The following KALRN variants were observed in gnomAD, a reference collection of about 807,000 sequenced individuals.
KALRN encodes kalirin RhoGEF kinase.
A neutral mutation model predicts 353.7 loss-of-function variants in KALRN; 70 were observed. The ratio of observed to expected loss-of-function variants is 0.20; its 90% CI spans 0.16 to 0.24. KALRN has a LOEUF of 0.24. Among genes scored for constraint, KALRN ranks in the 10% least tolerant of loss-of-function variants. The probability of loss-of-function intolerance (pLI) is 1.00; values close to 1 mark genes in which losing one functional copy is unlikely to be tolerated. For missense variants in KALRN, 2,791 were observed against 3,756.7 expected (o/e 0.74, Z 6.72); for synonymous variants, 1,391 against 1,434.8 (o/e 0.97, Z 0.69).
chr3:124,329,460 A>C (rs2080275120), intron 7 of KALRN, among the ~76,000 whole-genome samples: 1 of 152,154 alleles, frequency 6.6e-6, no homozygotes, highest in South Asian at 2.1e-4. Context: ...GATGTGGAAC[A>C]TCTCCTTACA....
chr3:124,538,834 C>G (rs1020929407), intron 33 of KALRN, among the ~76,000 whole-genome samples: 1 of 152,172 alleles, frequency 6.6e-6, no homozygotes, highest in Non-Finnish European at 1.5e-5. Context: ...TAAGTTAGAA[C>G]TTAAGAATGC....
intron 6 of KALRN, among the ~76,000 whole-genome samples, chr3:124,306,365 A>C (rs768121568): frequency 1.3e-5 from 2 of 152,188 alleles, no homozygotes; most frequent in Admixed American, 1.3e-4. Flanking sequence ...GAGAGGCTCA[A>C]TGTAGATTTG....
intron 1 of KALRN, among the ~76,000 whole-genome samples, chr3:124,202,011 C>T (rs961952071): frequency 6.6e-6 from 1 of 152,186 alleles, no homozygotes; most frequent in Non-Finnish European, 1.5e-5. Context: ...GTGGGAAGCA[C>T]TTCTTGTCAC....
intron 37 of KALRN, among the ~76,000 whole-genome samples, chr3:124,637,645 G>A (rs549097681): frequency 1.1e-4 from 16 of 152,190 alleles, no homozygotes; most frequent in South Asian, 2.1e-4. Context: ...CTAGTACACC[G>A]CGATGCTGAG....
In KALRN at chr3:124,513,301, G is replaced by C. The variant is rs148979641; in HGVS notation, c.4935+16888G>C. On this transcript the variant is annotated intron_variant, in intron 33 of 59. Coordinates refer to ENST00000682506, the MANE Select transcript of KALRN (RefSeq NM_001388419.1). The stretch of plus-strand genomic sequence containing the variant: ...TTGAAATATAGCTTCAAATTCATGA[G>C]ACATTTTCATGAAGAGATATGCAGT... Among the ~76,000 whole-genome samples, 484 of 152,322 alleles carry C rather than the reference G, an allele frequency of 3.2e-3. 1 individual carries two copies. The highest frequency in any genetic ancestry group is 5.3e-3 in the Non-Finnish European group (358 of 68,024).
At chr3:124,375,350 G>A (rs1399045457) in intron 10 of KALRN, among the ~76,000 whole-genome samples, 3 of 152,268 alleles carry the variant, frequency 2.0e-5, no homozygotes, top group South Asian at 2.1e-4. Context: ...TTTGTCTCAG[G>A]AAGCAGCTCT....
intron 1 of KALRN, among the ~76,000 whole-genome samples, chr3:124,105,850 G>C (rs111500772): frequency 6.6e-6 from 1 of 152,202 alleles, no homozygotes; most frequent in African/African-American, 2.4e-5. Flanking sequence ...AAGGAGGAAG[G>C]CCTGAATGTG....
chr3:124,482,153 G>A (rs2108235028), intron 27 of KALRN, among the ~76,000 whole-genome samples: 1 of 152,334 alleles, frequency 6.6e-6, no homozygotes, highest in East Asian at 1.9e-4. Context: ...GGAAAGATTT[G>A]TCACCAGGGA....
chr3:124,442,386 G>A (rs2093696583), intron 19 of KALRN, among the ~76,000 whole-genome samples: 1 of 152,180 alleles, frequency 6.6e-6, no homozygotes, highest in South Asian at 2.1e-4. Context: ...CTGAGCTAGT[G>A]CAACTAAGGA....
chr3:124,055,463 T>C (rs2041442848), intron 1 of KALRN, among the ~76,000 whole-genome samples: 1 of 152,226 alleles, frequency 6.6e-6, no homozygotes, highest in Non-Finnish European at 1.5e-5. Flanking sequence ...CTCTATTCTA[T>C]CTAGTTTGTT....
In KALRN at chr3:124,552,419, G is replaced by A. The variant is rs144083102; in HGVS notation, c.4936-10424G>A. The stretch of plus-strand genomic sequence containing the variant: ...TCCTGGTCAACCAGAGGAGAGCTTG[G>A]CCTCTTTCCAGGAATTAGTTTGCCA... On this transcript the variant is annotated intron_variant, in intron 33 of 59. Transcript: ENST00000682506. Among the ~76,000 whole-genome samples the A allele has an allele frequency of 3.2e-3, 487 of 152,296 alleles. 2 individuals are homozygous for A. Among genetic ancestry groups the A allele is most frequent in the African/African-American group, 0.011 (467 of 41,552 alleles).
chr3:124,122,670 T>C (rs1371626343), intron 1 of KALRN, among the ~76,000 whole-genome samples: 3 of 152,194 alleles, frequency 2.0e-5, no homozygotes, highest in East Asian at 1.9e-4. Flanking sequence ...ACCATGCCCA[T>C]ATAAAACTGC....
intron 1 of KALRN, among the ~76,000 whole-genome samples, chr3:124,093,166 T>G (rs114293768): frequency 5.7e-4 from 87 of 152,298 alleles, no homozygotes; most frequent in Middle Eastern, 3.4e-3. Flanking sequence ...TCCTACCCCC[T>G]GGACGTGCCT....
intron 27 of KALRN, among the ~76,000 whole-genome samples, chr3:124,480,618 A>G (rs1156784296): frequency 6.6e-6 from 1 of 152,164 alleles, no homozygotes; most frequent in Non-Finnish European, 1.5e-5. Context: ...GCTGACAGGT[A>G]TGTGCAACCA....
At chr3:124,337,714 A>T (rs1456154288) in intron 9 of KALRN, among the ~76,000 whole-genome samples, 1 of 152,200 alleles carries the variant, frequency 6.6e-6, no homozygotes, top group Admixed American at 6.5e-5. Flanking sequence ...TTTCAGAAGG[A>T]ATGATACCAG....
chr3:124,048,453 C>T (rs61016788), intron 1 of KALRN, among the ~76,000 whole-genome samples: 116 of 151,474 alleles, frequency 7.7e-4, no homozygotes, highest in African/African-American at 2.8e-3. Flanking sequence ...TAATCATGGA[C>T]ATTTTTCTAT....
In KALRN at chr3:124,411,433, CTTTTT is replaced by C. The variant is rs61485429; in HGVS notation, c.2347-2013_2347-2009del. On this transcript the variant is annotated intron_variant, in intron 13 of 59. Transcript: ENST00000682506. ...AAGCCTATGTATACTTTAAATTATG[CTTTTT>C]TTTTTTTTTTTTTTTTTTTTTTTAA... 4.1e-3 allele frequency among the ~76,000 whole-genome samples: 209 copies of C among 51,496 alleles called. 3 individuals carry two copies. In the Middle Eastern group the frequency reaches 0.075, roughly 18 times the overall value. The allele number at this position is 51,496 out of a possible 152,430, so 33.8% of individuals were successfully genotyped here.
intron 5 of KALRN, among the ~76,000 whole-genome samples, chr3:124,297,768 A>C (rs936624957): frequency 2.6e-5 from 4 of 152,238 alleles, no homozygotes; most frequent in African/African-American, 9.6e-5. Context: ...CCAGAGACAA[A>C]GTGGAAACCA....
At chr3:124,632,348 G>C in intron 34 of KALRN, 72 bp from the exon 35 acceptor site, 1 of 1,443,186 alleles carries the variant, frequency 6.9e-7, no homozygotes, top group South Asian at 1.3e-5. Context: ...TGAGGATGGA[G>C]CTGTCTCAGT....
Sources: gnomAD v4.1 joint callset for allele counts (sites outside exome capture counted in the v4.1 genomes callset) on GRCh38, gnomAD v4.1.1 for gene constraint, MANE v1.5 for transcripts, NCBI Gene and HGNC (gene_info 2026-07-23, HGNC 2026-07-21) for gene names.